CDH9: variants seen among roughly 807,000 people sequenced by gnomAD.
The protein encoded by CDH9 is cadherin-9.
CDH9 carries 28 observed loss-of-function variants against 70.9 expected under a neutral mutation model. The ratio of observed to expected loss-of-function variants is 0.40; its 90% CI spans 0.29 to 0.54. CDH9 has a LOEUF of 0.54. Ranked by LOEUF, CDH9 falls within the 20% of genes least tolerant of loss-of-function variation. The pLI, the probability that CDH9 is intolerant of heterozygous loss-of-function variation, is 0.59. For missense variants in CDH9, 874 were observed against 984.4 expected, an observed-to-expected ratio of 0.89 and a Z score of 1.50; for synonymous variants, 409 against 343.1, an observed-to-expected ratio of 1.19 and a Z score of -2.12.
At chr5:26,926,135 A>AT (rs1741334205) in intron 2 of CDH9, among the ~76,000 whole-genome samples, 1 of 152,194 alleles carries the variant, frequency 6.6e-6, no homozygotes, top group Non-Finnish European at 1.5e-5. Context: ...TCAATTAGGA[A>AT]AAGAGGAAGT....
intron 11 of CDH9, among the ~76,000 whole-genome samples, chr5:26,883,842 T>G (rs1740515420): frequency 2.0e-5 from 3 of 152,132 alleles, no homozygotes; most frequent in Admixed American, 2.0e-4. Context: ...ATCTTCCATC[T>G]TGCCTTATAA....
At chr5:27,012,777 T>G (rs1274624365) in intron 1 of CDH9, among the ~76,000 whole-genome samples, 1 of 152,058 alleles carries the variant, frequency 6.6e-6, no homozygotes, top group Non-Finnish European at 1.5e-5. Flanking sequence ...TGTTTTCCTT[T>G]GCCAATCACT....
At chr5:27,023,949 G>A (rs2112128332) in intron 1 of CDH9, among the ~76,000 whole-genome samples, 1 of 152,026 alleles carries the variant, frequency 6.6e-6, no homozygotes, top group African/African-American at 2.4e-5. Flanking sequence ...CTACTCGGGA[G>A]GCTGAGGTAG....
chr5:26,976,357 A>ATTCTT (rs1181889869), intron 2 of CDH9, among the ~76,000 whole-genome samples: 2 of 152,204 alleles, frequency 1.3e-5, no homozygotes, highest in African/African-American at 4.8e-5. Flanking sequence ...TTCCTATAAG[A>ATTCTT]TTGAAAAATG....
intron 2 of CDH9, among the ~76,000 whole-genome samples, chr5:26,975,056 A>T (rs969129848): frequency 1.3e-5 from 2 of 152,194 alleles, no homozygotes; most frequent in Admixed American, 1.3e-4. Flanking sequence ...TTTACAAGAT[A>T]AAGGCTGACT....
In CDH9 at chr5:26,946,443, G is replaced by A. The variant is rs76180667; in HGVS notation, c.229-30519C>T. Among the ~76,000 whole-genome samples, 366 of 147,290 alleles carry A rather than the reference G, an allele frequency of 2.5e-3. 2 individuals carry two copies. Among genetic ancestry groups the A allele is most frequent in the African/African-American group, 9.5e-3 (351 of 36,828 alleles). ...AAACCCACTAATTATCATAACTAAC[G>A]TACCCATTTAGAAGAAAAAAAAGGA... is the stretch of plus-strand genomic sequence containing the variant. On this transcript the variant is annotated intron_variant, in intron 2 of 11. Transcript: ENST00000231021.
chr5:26,895,628 A>T (rs954223019), intron 7 of CDH9, among the ~76,000 whole-genome samples: 1 of 152,056 alleles, frequency 6.6e-6, no homozygotes, highest in African/African-American at 2.4e-5. Flanking sequence ...AATCAACCCT[A>T]TAACTTTGGA....
chr5:26,891,443 C>T (rs1343217268), intron 7 of CDH9, among the ~76,000 whole-genome samples: 4 of 152,082 alleles, frequency 2.6e-5, no homozygotes, highest in South Asian at 2.1e-4. Context: ...TTTTGGAGGC[C>T]GAGGTGAGTG....
At chr5:26,978,728 T>A (rs574819331) in intron 2 of CDH9, among the ~76,000 whole-genome samples, 1 of 151,414 alleles carries the variant, frequency 6.6e-6, no homozygotes, top group South Asian at 2.1e-4. Context: ...AAGATATAAA[T>A]AGAACTTTAA....
intron 2 of CDH9, among the ~76,000 whole-genome samples, chr5:26,955,578 C>G (rs941787615): frequency 1.5e-5 from 2 of 133,764 alleles, no homozygotes; most frequent in East Asian, 3.9e-4. Context: ...CAGTATCTCT[C>G]TCTCTCTCTC....
chr5:26,950,292 G>A (rs28445346), intron 2 of CDH9, among the ~76,000 whole-genome samples: 1 of 152,094 alleles, frequency 6.6e-6, no homozygotes. Context: ...CCTTTGGTCA[G>A]TATCTCAGTG....
intron 2 of CDH9, among the ~76,000 whole-genome samples, chr5:26,931,773 C>G (rs1579458864): frequency 6.6e-6 from 1 of 151,710 alleles, no homozygotes; most frequent in Non-Finnish European, 1.5e-5. Flanking sequence ...GTGTGGTATG[C>G]CAATGGAAGC....
intron 7 of CDH9, among the ~76,000 whole-genome samples, chr5:26,891,998 T>C (rs572255545): frequency 6.6e-6 from 1 of 151,944 alleles, no homozygotes; most frequent in Non-Finnish European, 1.5e-5. Context: ...CGGAAAGAAA[T>C]ATGGCCCTGT....
chr5:27,016,501 T>C (rs1743049077), intron 1 of CDH9, among the ~76,000 whole-genome samples: 1 of 151,882 alleles, frequency 6.6e-6, no homozygotes, highest in Non-Finnish European at 1.5e-5. Flanking sequence ...CATAAGAATG[T>C]ATTTTTAAGG....
intron 4 of CDH9, 109 bp downstream of exon 4, chr5:26,906,610 A>G: frequency 3.6e-6 from 5 of 1,404,008 alleles, no homozygotes. Context: ...ACAAATAGAA[A>G]CATGAAACTG....
chr5:27,012,362 T>C (rs1055750524), intron 1 of CDH9, among the ~76,000 whole-genome samples: 1 of 151,968 alleles, frequency 6.6e-6, no homozygotes, highest in African/African-American at 2.4e-5. Flanking sequence ...TAGGATTTTA[T>C]CTAAATAATC....
chr5:26,881,169 A>G lies in CDH9; in HGVS notation c.2337T>C (p.Asp779=). The change falls in exon 12 of 12, where the codon GAT becomes GAC. Residue 779 remains aspartate, a synonymous_variant. Coordinates refer to ENST00000231021, the MANE Select transcript of CDH9 (RefSeq NM_016279.4). ...DWGPRFKKLA[D]MYGGDDSDRD is the part of the protein sequence containing the mutation. Reference sequence around the variant, plus strand: ...GGTCACTATCATCACCCCCATACATATCGGCAAGTTTTTTGAAACGAGGCC... The same window carrying G: ...GGTCACTATCATCACCCCCATACATGTCGGCAAGTTTTTTGAAACGAGGCC... 6.2e-7 allele frequency: 1 copy of G among 1,612,716 alleles called. No homozygotes were observed. The highest frequency in any genetic ancestry group is 8.5e-7 in the Non-Finnish European group (1 of 1,179,252).
intron 1 of CDH9, among the ~76,000 whole-genome samples, chr5:27,030,298 C>T (rs1305478134): frequency 6.6e-6 from 1 of 151,764 alleles, no homozygotes; most frequent in Non-Finnish European, 1.5e-5. Context: ...TACATTGATC[C>T]ATTTTTATTA....
At chr5:26,922,647 G>A (rs1251114063) in intron 2 of CDH9, among the ~76,000 whole-genome samples, 1 of 151,906 alleles carries the variant, frequency 6.6e-6, no homozygotes, top group Non-Finnish European at 1.5e-5. Flanking sequence ...GAAATCATCT[G>A]AAGGTACAAA....
Sources: gnomAD v4.1 joint callset for allele counts (sites outside exome capture counted in the v4.1 genomes callset) on GRCh38, gnomAD v4.1.1 for gene constraint, MANE v1.5 for transcripts, NCBI Gene and HGNC (gene_info 2026-07-23, HGNC 2026-07-21) for gene names.